The following DNM3 variants were observed in gnomAD, a reference collection of about 807,000 sequenced individuals.
The protein encoded by DNM3 is dynamin 3.
DNM3 carries 47 observed loss-of-function variants against 101.6 expected under a neutral mutation model. The observed-to-expected ratio is 0.46, with a 90% CI of 0.37 to 0.59. DNM3 has a LOEUF of 0.59. Ranked by LOEUF, DNM3 falls within the 20% of genes least tolerant of loss-of-function variation. DNM3 has a pLI of 0.00. For synonymous variants in DNM3, 385 were observed against 387.9 expected, an observed-to-expected ratio of 0.99 and a Z score of 0.09; for missense variants, 849 against 1,085.7, an observed-to-expected ratio of 0.78 and a Z score of 3.06.
At position 172,276,177 on chromosome 1, in the gene DNM3, G is replaced by A. The variant is rs887821781; in HGVS notation, c.1769+22495G>A. Among the ~76,000 whole-genome samples, 4 of 152,130 alleles carry A rather than the reference G, an allele frequency of 2.6e-5. No homozygotes were observed. The South Asian group carries it at 8.3e-4, about 32-fold the overall frequency. On this transcript the variant is annotated intron_variant, in intron 15 of 20. Coordinates refer to ENST00000627582, the MANE Select transcript of DNM3 (RefSeq NM_015569.5). ...TGTCCTAATTTATCATCACTCTTGA[G>A]AGTAAAAGGGGACAGTATTAATAAT...
intron 1 of DNM3, among the ~76,000 whole-genome samples, chr1:171,900,142 T>G (rs1431558260): frequency 6.6e-6 from 1 of 152,188 alleles, no homozygotes; most frequent in African/African-American, 2.4e-5. Context: ...TTTACTTGGT[T>G]GGTAGTGCTA....
intron 1 of DNM3, among the ~76,000 whole-genome samples, chr1:171,889,923 A>T (rs567053342): frequency 6.6e-6 from 1 of 152,342 alleles, no homozygotes; most frequent in East Asian, 1.9e-4. Context: ...ACATGCTTAC[A>T]TGGACATCTA....
intron 14 of DNM3, among the ~76,000 whole-genome samples, chr1:172,239,514 A>G (rs950171898): frequency 2.0e-5 from 3 of 152,166 alleles, no homozygotes; most frequent in Non-Finnish European, 4.4e-5. Context: ...CAGAAGGTTC[A>G]CATAGCTAGT....
At chr1:172,017,221 AT>A (rs1290916265) in intron 4 of DNM3, among the ~76,000 whole-genome samples, 1 of 151,944 alleles carries the variant, frequency 6.6e-6, no homozygotes, top group Non-Finnish European at 1.5e-5. Flanking sequence ...TCTAGTTCTT[AT>A]TATTTCTTTC....
intron 14 of DNM3, among the ~76,000 whole-genome samples, chr1:172,240,544 A>C (rs1475993392): frequency 6.6e-6 from 1 of 152,198 alleles, no homozygotes; most frequent in Non-Finnish European, 1.5e-5. Context: ...ACTTTTACAA[A>C]CATATGGTAT....
At chr1:172,154,461 T>C (rs16843935) in intron 14 of DNM3, among the ~76,000 whole-genome samples, 11,442 of 152,086 alleles carry the variant, frequency 0.075, 1,050 homozygotes, top group African/African-American at 0.21. Flanking sequence ...TATTTAGATG[T>C]GTGTTTGCTG....
chr1:171,857,590 C>G (rs2033742376), intron 1 of DNM3, among the ~76,000 whole-genome samples: 1 of 152,130 alleles, frequency 6.6e-6, no homozygotes, highest in African/African-American at 2.4e-5. Context: ...TTGACCTTCT[C>G]AGATGTCCTG....
At chr1:172,220,167 G>A (rs1360012994) in intron 14 of DNM3, among the ~76,000 whole-genome samples, 1 of 152,156 alleles carries the variant, frequency 6.6e-6, no homozygotes, top group African/African-American at 2.4e-5. Flanking sequence ...AGAAAGGGTT[G>A]TTTGCTTCCA....
chr1:172,083,479 A>G (rs1265573029), intron 12 of DNM3, among the ~76,000 whole-genome samples: 1 of 152,204 alleles, frequency 6.6e-6, no homozygotes, highest in Non-Finnish European at 1.5e-5. Context: ...GTTGATTTTC[A>G]TGGATTACAA....
At chr1:172,146,863 A>C (rs1456591922) in intron 14 of DNM3, among the ~76,000 whole-genome samples, 1 of 152,130 alleles carries the variant, frequency 6.6e-6, no homozygotes, top group African/African-American at 2.4e-5. Context: ...ATCAGACTGC[A>C]CCATGATTTC....
At chr1:171,994,612 T>C (rs761999713) in intron 4 of DNM3, among the ~76,000 whole-genome samples, 8 of 152,176 alleles carry the variant, frequency 5.3e-5, no homozygotes, top group Admixed American at 1.3e-4. Context: ...CATGTGGCTT[T>C]CTAGATTCTA....
intron 4 of DNM3, among the ~76,000 whole-genome samples, chr1:172,002,708 G>A (rs1377555196): frequency 6.6e-6 from 1 of 151,940 alleles, no homozygotes; most frequent in Non-Finnish European, 1.5e-5. Context: ...ATTTAATTGG[G>A]AAAATGATAT....
At chr1:172,032,089 A>T (rs2048648576) in intron 4 of DNM3, among the ~76,000 whole-genome samples, 2 of 152,190 alleles carry the variant, frequency 1.3e-5, no homozygotes, top group Admixed American at 1.3e-4. Context: ...TTAGGAGCAA[A>T]ATGAAAATGT....
At chr1:172,277,645 G>A (rs576174085) in intron 15 of DNM3, among the ~76,000 whole-genome samples, 1 of 152,134 alleles carries the variant, frequency 6.6e-6, no homozygotes, top group Admixed American at 6.6e-5. Context: ...AAAAAAAGGT[G>A]TAATATAACC....
intron 12 of DNM3, among the ~76,000 whole-genome samples, chr1:172,085,993 G>C (rs1377964964): frequency 6.6e-6 from 1 of 152,140 alleles, no homozygotes; most frequent in Non-Finnish European, 1.5e-5. Context: ...TGCTTACTGA[G>C]ATTGTTGTCA....
intron 14 of DNM3, among the ~76,000 whole-genome samples, chr1:172,222,946 TG>T (rs2060963783): frequency 6.6e-6 from 1 of 152,174 alleles, no homozygotes; most frequent in Admixed American, 6.5e-5. Flanking sequence ...AGTGTTATTT[TG>T]TTTTTTACAC....
intron 14 of DNM3, among the ~76,000 whole-genome samples, chr1:172,178,005 A>C (rs1249327636): frequency 6.6e-6 from 1 of 151,926 alleles, no homozygotes; most frequent in Non-Finnish European, 1.5e-5. Context: ...GAGTGTTCTT[A>C]CACAAAGCTA....
rs565562543 is a variant in DNM3, at chr1:172,387,607, C to T, written c.2285+248C>T. 3.3e-3 allele frequency among the ~76,000 whole-genome samples: 492 copies of T among 151,112 alleles called. 1 individual carries two copies. Among genetic ancestry groups the T allele is most frequent in the Non-Finnish European group, 5.4e-3 (363 of 67,750 alleles). The stretch of plus-strand genomic sequence containing the variant: ...CCGGGAGGCAGAGCTTGCAGTGAGC[C>T]GAGATCGTGCACTGCACTCCAGCCT... On this transcript the variant is annotated intron_variant, in intron 19 of 20. Coordinates refer to ENST00000627582, the MANE Select transcript of DNM3 (RefSeq NM_015569.5).
chr1:172,315,242 C>T (rs1272454619), intron 16 of DNM3, among the ~76,000 whole-genome samples: 11 of 152,156 alleles, frequency 7.2e-5, no homozygotes, highest in Non-Finnish European at 1.5e-4. Context: ...CCCATCTGTA[C>T]ATCACCATCA....
Sources: allele counts gnomAD v4.1 joint callset (sites outside exome capture counted in the v4.1 genomes callset), GRCh38; gene constraint gnomAD v4.1.1; transcripts MANE v1.5; gene names NCBI Gene and HGNC (gene_info 2026-07-23, HGNC 2026-07-21).